The following SGCZ variants were observed in gnomAD, a reference collection of about 807,000 sequenced individuals.
SGCZ encodes zeta-sarcoglycan.
In SGCZ, 40 loss-of-function variants were observed where a neutral mutation model predicts 41.3. The observed-to-expected ratio is 0.97, with a 90% CI of 0.75 to 1.26. The LOEUF is 1.26. SGCZ is among the 50% of genes most tolerant of loss of function. The pLI, the probability that SGCZ is intolerant of heterozygous loss-of-function variation, is 0.00. For missense variants in SGCZ, 552 were observed against 369.8 expected (o/e 1.49, Z -4.04); for synonymous variants, 206 against 137.5 (o/e 1.50, Z -3.49).
chr8:15,065,038 AG>A (rs910414365), intron 1 of SGCZ, among the ~76,000 whole-genome samples: 6 of 152,166 alleles, frequency 3.9e-5, no homozygotes, highest in African/African-American at 1.4e-4. Context: ...AACACCAGCA[AG>A]GGAGACTTCC....
intron 1 of SGCZ, among the ~76,000 whole-genome samples, chr8:15,064,914 A>G (rs1249915412): frequency 6.6e-6 from 1 of 152,174 alleles, no homozygotes; most frequent in African/African-American, 2.4e-5. Flanking sequence ...AATTTTCATT[A>G]CTATGTCTAC....
chr8:14,776,106 CTT>C lies in SGCZ; in HGVS notation c.40-221182_40-221181del, dbSNP rs749965680. Among the ~76,000 whole-genome samples the C allele has an allele frequency of 2.0e-5, 3 of 152,296 alleles. No homozygotes were observed. In the East Asian group the frequency reaches 5.8e-4, roughly 29 times the overall value. On this transcript the variant is annotated intron_variant, in intron 1 of 7. Transcript: ENST00000382080. The stretch of plus-strand genomic sequence containing the variant: ...ATACTGGAAGAGAAAAAAGTGAACT[CTT>C]AATTCTTATTTTATAGAATTTAAAA...
chr8:14,334,753 A>T (rs1802454024), intron 2 of SGCZ, among the ~76,000 whole-genome samples: 1 of 152,130 alleles, frequency 6.6e-6, no homozygotes, highest in Non-Finnish European at 1.5e-5. Context: ...CCATCTGAAC[A>T]AACTATGGTT....
intron 2 of SGCZ, among the ~76,000 whole-genome samples, chr8:14,328,672 A>G (rs66502804): frequency 0.39 from 59,677 of 152,034 alleles, 14,036 homozygotes; most frequent in South Asian, 0.7. Flanking sequence ...TCTACACCAA[A>G]TTTCATATCA....
chr8:14,504,631 C>T (rs1260832133), intron 2 of SGCZ, among the ~76,000 whole-genome samples: 1 of 151,784 alleles, frequency 6.6e-6, no homozygotes, highest in Non-Finnish European at 1.5e-5. Context: ...TTTTTATTTT[C>T]TGTAATGTAC....
chr8:14,760,641 A>C (rs2130353264), intron 1 of SGCZ, among the ~76,000 whole-genome samples: 1 of 152,332 alleles, frequency 6.6e-6, no homozygotes, highest in African/African-American at 2.4e-5. Context: ...TTACCTCTGC[A>C]GCTAATTCAA....
chr8:14,438,705 T>A (rs187312141), intron 2 of SGCZ, among the ~76,000 whole-genome samples: 1 of 152,046 alleles, frequency 6.6e-6, no homozygotes, highest in African/African-American at 2.4e-5. Context: ...ATAAGATTTT[T>A]CAGTAATACT....
chr8:14,244,935 A>T (rs1409613229), intron 3 of SGCZ, among the ~76,000 whole-genome samples: 13 of 151,998 alleles, frequency 8.6e-5, no homozygotes, highest in Non-Finnish European at 1.3e-4. Context: ...ATTTTTGTAC[A>T]TTGATTTTGT....
intron 1 of SGCZ, among the ~76,000 whole-genome samples, chr8:14,931,040 T>C (rs1002113590): frequency 6.6e-6 from 1 of 152,074 alleles, no homozygotes; most frequent in African/African-American, 2.4e-5. Flanking sequence ...TTTGAATACA[T>C]TATTTTGCAT....
chr8:14,449,232 T>A (rs1332588972), intron 2 of SGCZ, among the ~76,000 whole-genome samples: 1 of 152,226 alleles, frequency 6.6e-6, no homozygotes, highest in Non-Finnish European at 1.5e-5. Flanking sequence ...TATGCTATAG[T>A]AATGAACTTA....
At chr8:14,612,929 A>G (rs1322999403) in intron 1 of SGCZ, among the ~76,000 whole-genome samples, 2 of 152,132 alleles carry the variant, frequency 1.3e-5, no homozygotes, top group Admixed American at 6.5e-5. Flanking sequence ...CAGGCTATCC[A>G]CTTGCCTCGG....
intron 1 of SGCZ, among the ~76,000 whole-genome samples, chr8:14,920,699 G>A (rs896468690): frequency 2.0e-5 from 3 of 152,098 alleles, no homozygotes; most frequent in East Asian, 3.9e-4. Context: ...AAATATTATA[G>A]ACTTTCCCTA....
chr8:14,682,676 G>C (rs545305406), intron 1 of SGCZ, among the ~76,000 whole-genome samples: 9 of 152,006 alleles, frequency 5.9e-5, no homozygotes, highest in South Asian at 2.1e-4. Context: ...CCTTGTGATC[G>C]GCCCGCCTCG....
Position 15,153,153 on chromosome 8 carries a change from T to G in SGCZ, c.39+84432A>C, listed in dbSNP as rs1398979702. ...AATATATAATTAGTACAATTTTAGA[T>G]GTACAGGAGATAAATGAATCCATTA... On this transcript the variant is annotated intron_variant, in intron 1 of 7. Coordinates refer to ENST00000382080, the MANE Select transcript of SGCZ (RefSeq NM_139167.4). 2.6e-5 allele frequency among the ~76,000 whole-genome samples: 4 copies of G among 152,278 alleles called. No individual in the cohort carries two copies. The South Asian group carries it at 8.3e-4, about 32-fold the overall frequency.
intron 2 of SGCZ, among the ~76,000 whole-genome samples, chr8:14,428,670 T>C (rs138587867): frequency 0.025 from 3,753 of 152,302 alleles, 79 homozygotes; most frequent in Middle Eastern, 0.044. Context: ...CAGAATCGGT[T>C]ACGTGCATCC....
rs560074547 is a variant in SGCZ, at chr8:14,306,526, T to C, written c.336+17577A>G. Among the ~76,000 whole-genome samples, 4 of 152,216 alleles carry C rather than the reference T, an allele frequency of 2.6e-5. No individual in the cohort carries two copies. In the East Asian group the frequency reaches 7.7e-4, roughly 29 times the overall value. On this transcript the variant is annotated intron_variant, in intron 3 of 7. Transcript: ENST00000382080. ...CTCTGTTACCTGGCATGAGCAGGAG[T>C]ATTTTGATTCTACTTCCCTGGTTTA...
At chr8:14,183,289 TACACACACACAC>T (rs35770709) in intron 4 of SGCZ, among the ~76,000 whole-genome samples, 1 of 149,988 alleles carries the variant, frequency 6.7e-6, no homozygotes, top group African/African-American at 2.4e-5. Context: ...TTTTTACATG[TACACACACACAC>T]ACACACACAC....
At chr8:14,806,732 G>A (rs553111838) in intron 1 of SGCZ, among the ~76,000 whole-genome samples, 3 of 152,254 alleles carry the variant, frequency 2.0e-5, no homozygotes, top group East Asian at 3.9e-4. Flanking sequence ...CTCATTTTAG[G>A]GAGTTAGCAT....
At chr8:14,569,791 T>A (rs1804495489) in intron 1 of SGCZ, among the ~76,000 whole-genome samples, 1 of 152,066 alleles carries the variant, frequency 6.6e-6, no homozygotes, top group African/African-American at 2.4e-5. Context: ...AGGAGGGAGC[T>A]TTGCAGCCAT....
Sources: allele counts gnomAD v4.1 joint callset (sites outside exome capture counted in the v4.1 genomes callset), GRCh38; gene constraint gnomAD v4.1.1; transcripts MANE v1.5; gene names NCBI Gene and HGNC (gene_info 2026-07-23, HGNC 2026-07-21).